PTPRZ1: variants seen among roughly 807,000 people sequenced by gnomAD.
PTPRZ1 encodes receptor-type tyrosine-protein phosphatase zeta.
PTPRZ1 carries 82 observed loss-of-function variants against 214.1 expected under a neutral mutation model. The ratio of observed to expected loss-of-function variants is 0.38; its 90% CI spans 0.32 to 0.46. PTPRZ1 has a LOEUF of 0.46. Ranked by LOEUF, PTPRZ1 falls within the 20% of genes least tolerant of loss-of-function variation. The pLI is 1.00. For missense variants in PTPRZ1, 2,603 were observed against 2,748.7 expected (o/e 0.95, Z 1.19); for synonymous variants, 945 against 987.9 (o/e 0.96, Z 0.81).
chr7:122,012,589 G>A lies in PTPRZ1; in HGVS notation c.3543G>A (p.Leu1181=). ...CAGCTTCTTTTAGTACTGAAGTATT[G>A]CTACAACCTTCCTTTCAGGCTTCTG... is the stretch of plus-strand genomic sequence containing the variant. ...ETSASFSTEV[L]LQPSFQASDV... Residue 1181 remains leucine (L), a synonymous_variant, in exon 12 of 30, where the codon TTG becomes TTA. Transcript: ENST00000393386. The A allele has an allele frequency of 6.2e-7, 1 of 1,613,270 alleles. No individual in the cohort carries two copies. The highest frequency in any genetic ancestry group is 1.1e-5 in the South Asian group (1 of 91,052).
intron 27 of PTPRZ1, 35 bp from the exon 28 acceptor site, chr7:122,058,765 A>G (rs2150496168): frequency 6.4e-7 from 1 of 1,556,032 alleles, no homozygotes. Flanking sequence ...GTAAACTGTC[A>G]CTAACTAACA....
At chr7:121,911,097 C>G (rs1052939762) in intron 1 of PTPRZ1, among the ~76,000 whole-genome samples, 1 of 151,994 alleles carries the variant, frequency 6.6e-6, no homozygotes, top group African/African-American at 2.4e-5. Flanking sequence ...GTTACAAATA[C>G]GAGGATTTTT....
intron 1 of PTPRZ1, among the ~76,000 whole-genome samples, chr7:121,906,674 T>C (rs1441829825): frequency 6.6e-6 from 1 of 152,174 alleles, no homozygotes; most frequent in East Asian, 1.9e-4. Flanking sequence ...CAAGGTTATG[T>C]CTTGGATGGG....
intron 1 of PTPRZ1, among the ~76,000 whole-genome samples, chr7:121,911,689 T>C (rs556679077): frequency 5.3e-5 from 8 of 152,116 alleles, no homozygotes; most frequent in African/African-American, 1.9e-4. Flanking sequence ...AGATGGGAGA[T>C]AGGAAGGTAT....
chr7:121,898,695 A>T (rs750024596), intron 1 of PTPRZ1, among the ~76,000 whole-genome samples: 3 of 152,186 alleles, frequency 2.0e-5, no homozygotes, highest in Non-Finnish European at 4.4e-5. Flanking sequence ...TTTGCTTGCT[A>T]ACCTATACAT....
Position 121,877,947 on chromosome 7 carries a change from AGT to A in PTPRZ1, c.58+4393_58+4394del, listed in dbSNP as rs1314940940. ...ATGTATATATATGCATATACATAAA[AGT>A]GTATATATATATATGTGTTTGTGTA... On this transcript the variant is annotated intron_variant, in intron 1 of 29. Coordinates refer to ENST00000393386, the MANE Select transcript of PTPRZ1 (RefSeq NM_002851.3). Among the ~76,000 whole-genome samples, 5 of 150,804 alleles carry A rather than the reference AGT, an allele frequency of 3.3e-5. No homozygotes were observed. The East Asian group carries it at 9.7e-4, about 29-fold the overall frequency.
chr7:122,039,194 T>C (rs1799638898), intron 19 of PTPRZ1, among the ~76,000 whole-genome samples: 1 of 152,216 alleles, frequency 6.6e-6, no homozygotes, highest in Non-Finnish European at 1.5e-5. Flanking sequence ...GTCTTGGCTC[T>C]GTAACCTGAA....
At chr7:122,054,911 T>G in intron 26 of PTPRZ1, 30 bp from the exon 27 acceptor site, 1 of 1,560,702 alleles carries the variant, frequency 6.4e-7, no homozygotes, top group Non-Finnish European at 8.6e-7. Flanking sequence ...TATTAAAATC[T>G]AGACTCTTCT....
At chr7:121,977,796 C>T (rs370475577) in intron 6 of PTPRZ1, among the ~76,000 whole-genome samples, 11 of 151,600 alleles carry the variant, frequency 7.3e-5, no homozygotes, top group Admixed American at 1.3e-4. Context: ...ACATTGAATG[C>T]GATAAGTCAC....
intron 2 of PTPRZ1, among the ~76,000 whole-genome samples, chr7:121,956,047 G>A (rs1394007914): frequency 6.6e-6 from 1 of 151,806 alleles, no homozygotes; most frequent in African/African-American, 2.4e-5. Context: ...TGGGGGTGGT[G>A]GGGAGAGAGC....
intron 12 of PTPRZ1, among the ~76,000 whole-genome samples, chr7:122,017,538 C>CATTCATTT (rs147423889): frequency 2.1e-4 from 30 of 140,160 alleles, no homozygotes; most frequent in African/African-American, 7.3e-4. Context: ...TGATACATTA[C>CATTCATTT]ATTTATTTAT....
At chr7:121,909,711 A>G (rs1353379031) in intron 1 of PTPRZ1, among the ~76,000 whole-genome samples, 1 of 152,202 alleles carries the variant, frequency 6.6e-6, no homozygotes, top group African/African-American at 2.4e-5. Flanking sequence ...TATTTAAGTT[A>G]GCATAAATAC....
chr7:121,977,214 T>C (rs925630291), intron 6 of PTPRZ1, among the ~76,000 whole-genome samples: 1 of 152,218 alleles, frequency 6.6e-6, no homozygotes, highest in African/African-American at 2.4e-5. Flanking sequence ...ATTTTATAAA[T>C]ATCATATTTT....
At chr7:121,940,031 C>A (rs186374946) in intron 2 of PTPRZ1, among the ~76,000 whole-genome samples, 256 of 152,252 alleles carry the variant, frequency 1.7e-3, no homozygotes, top group Non-Finnish European at 3.0e-3. Flanking sequence ...AATCACTGTG[C>A]TCCAGCCTCT....
intron 23 of PTPRZ1, among the ~76,000 whole-genome samples, chr7:122,050,461 A>G (rs1356062478): frequency 6.2e-3 from 708 of 114,334 alleles, no homozygotes; most frequent in Non-Finnish European, 7.3e-3. Context: ...AGGGAAAAGG[A>G]GAGGAGGGGA....
At position 122,012,390 on chromosome 7, in the gene PTPRZ1, T is replaced by C; in HGVS notation, c.3344T>C (p.Ile1115Thr). 4 of 1,613,982 alleles carry C rather than the reference T, an allele frequency of 2.5e-6. No individual in the cohort carries two copies. Among genetic ancestry groups the C allele is most frequent in the Non-Finnish European group, 3.4e-6 (4 of 1,179,896 alleles). ...HTTTKVFDHE[I>T]SQVPENNFSV... ...ACCACTAAGGTTTTTGATCATGAGA[T>C]TAGTCAAGTTCCAGAAAATAACTTT... is the stretch of plus-strand genomic sequence containing the variant. The change falls in exon 12 of 30, where the codon ATT becomes ACT. Residue 1115 changes from isoleucine to threonine, a missense_variant. By Grantham distance (89) the Ile-to-Thr change is moderately conservative. Around this residue, in one of 6 missense-constraint regions of PTPRZ1, gnomAD observed 1,913 missense variants for 1,914.3 expected, o/e 1.00. Coordinates refer to ENST00000393386, the MANE Select transcript of PTPRZ1 (RefSeq NM_002851.3).
chr7:121,877,768 G>T (rs1471712780), intron 1 of PTPRZ1, among the ~76,000 whole-genome samples: 1 of 152,136 alleles, frequency 6.6e-6, no homozygotes, highest in African/African-American at 2.4e-5. Context: ...TTCACAACTA[G>T]TCGAAAATAA....
chr7:121,873,536 C>T lies in PTPRZ1; in HGVS notation c.37C>T (p.Leu13Phe). ...AAAGCGTTTCCTCGCTTGCATTCAG[C>T]TCCTCTGTGTTTGCCGCCTGGGTGA... ...ILKRFLACIQ[L>F]LCVCRLDWAN... Residue 13 changes from leucine (L) to phenylalanine (F), a missense_variant, in exon 1 of 30, where the codon CTC becomes TTC. Physicochemically the swap from Leu to Phe is conservative, Grantham distance 22. Transcript: ENST00000393386. 1 of 1,614,006 alleles carries T rather than the reference C, an allele frequency of 6.2e-7. No homozygotes were observed. Among genetic ancestry groups the T allele is most frequent in the Non-Finnish European group, 8.5e-7 (1 of 1,180,034 alleles).
chr7:121,891,467 T>A (rs1794614014), intron 1 of PTPRZ1, among the ~76,000 whole-genome samples: 1 of 143,176 alleles, frequency 7.0e-6, no homozygotes, highest in Non-Finnish European at 1.5e-5. Context: ...TTTTTTTTTT[T>A]TTTTTTTTTT....
Sources: gnomAD v4.1 joint callset for allele counts (sites outside exome capture counted in the v4.1 genomes callset) on GRCh38, gnomAD v4.1.1 for gene constraint, gnomAD v4.1.1 regional missense constraint, MANE v1.5 for transcripts, NCBI Gene and HGNC (gene_info 2026-07-23, HGNC 2026-07-21) for gene names.